The following TEC variants were observed in gnomAD, a reference collection of about 807,000 sequenced individuals.
TEC encodes tyrosine-protein kinase Tec.
Under a neutral mutation model 93.0 loss-of-function variants are expected in TEC, and 72 were observed. The observed-to-expected ratio is 0.77, with a 90% CI of 0.64 to 0.94. TEC has a LOEUF of 0.94. Among genes scored for constraint, TEC ranks in the 40% least tolerant of loss-of-function variants. The pLI is 0.00. For synonymous variants in TEC, 249 were observed against 247.7 expected, an observed-to-expected ratio of 1.01 and a Z score of -0.05; for missense variants, 630 against 757.9, an observed-to-expected ratio of 0.83 and a Z score of 1.98.
At chr4:48,171,670 T>C in intron 3 of TEC, among the ~76,000 whole-genome samples, 1 of 152,206 alleles carries the variant, frequency 6.6e-6, no homozygotes, top group East Asian at 1.9e-4. Flanking sequence ...GACCATGTTT[T>C]ATAGAAAAAA....
chr4:48,202,295 G>A (rs895859506), intron 2 of TEC, among the ~76,000 whole-genome samples: 2 of 152,240 alleles, frequency 1.3e-5, no homozygotes, highest in African/African-American at 4.8e-5. Context: ...GCCCAGTGCA[G>A]TGGCCCATGC....
At chr4:48,246,443 A>G (rs1303006499) in intron 1 of TEC, among the ~76,000 whole-genome samples, 2 of 151,810 alleles carry the variant, frequency 1.3e-5, no homozygotes, top group African/African-American at 4.8e-5. Context: ...CCCATATAGT[A>G]AAATTAATAG....
At chr4:48,213,874 GA>G (rs564383696) in intron 2 of TEC, among the ~76,000 whole-genome samples, 2 of 151,886 alleles carry the variant, frequency 1.3e-5, no homozygotes, top group African/African-American at 4.8e-5. Context: ...CTCTGTCCCT[GA>G]AAAAAAATTT....
chr4:48,197,564 G>A (rs1417831449), intron 2 of TEC, among the ~76,000 whole-genome samples: 2 of 152,138 alleles, frequency 1.3e-5, no homozygotes, highest in Non-Finnish European at 2.9e-5. Context: ...CATGAAAAAG[G>A]TGCCCTCCTT....
At chr4:48,212,474 C>G (rs1448561783) in intron 2 of TEC, among the ~76,000 whole-genome samples, 1 of 152,190 alleles carries the variant, frequency 6.6e-6, no homozygotes, top group Non-Finnish European at 1.5e-5. Flanking sequence ...GATGTCACTT[C>G]AGAGAACACT....
chr4:48,156,001 A>G (rs1331200784), intron 9 of TEC: 5 of 152,218 alleles, frequency 3.3e-5, no homozygotes, highest in Non-Finnish European at 7.3e-5. Flanking sequence ...AAAATTTAGA[A>G]GCTATTTGTG....
chr4:48,160,729 GA>G (rs758518336), intron 8 of TEC, among the ~76,000 whole-genome samples: 16 of 49,424 alleles, frequency 3.2e-4, no homozygotes, highest in East Asian at 8.3e-4. Context: ...TCTGTCTCCA[GA>G]AAAAAAAAAA....
chr4:48,148,274 A>G (rs544338136), intron 11 of TEC, among the ~76,000 whole-genome samples: 2 of 152,282 alleles, frequency 1.3e-5, no homozygotes, highest in African/African-American at 4.8e-5. Context: ...AACCATTATT[A>G]TTATCTGAAA....
intron 2 of TEC, among the ~76,000 whole-genome samples, chr4:48,212,110 A>AAAAAAAAAAAAAAAATATATATAT: frequency 8.2e-6 from 1 of 122,266 alleles, no homozygotes; most frequent in African/African-American, 3.0e-5. Context: ...AAAAAAAAAA[A>AAAAAAAAAAAAAAAATATATATAT]ATATATATAT....
intron 8 of TEC, among the ~76,000 whole-genome samples, chr4:48,161,677 T>C (rs1159430997): frequency 1.3e-5 from 2 of 151,468 alleles, no homozygotes; most frequent in African/African-American, 2.4e-5. Flanking sequence ...CTTGATTGGA[T>C]TGAAAGATGC....
chr4:48,245,554 G>C, intron 1 of TEC, among the ~76,000 whole-genome samples: 1 of 152,248 alleles, frequency 6.6e-6, no homozygotes, highest in East Asian at 1.9e-4. Flanking sequence ...TGCCATTTAA[G>C]TGCTTGCTAT....
chr4:48,168,678 A>G, intron 5 of TEC, 52 bp from the exon 6 acceptor site: 1 of 1,579,512 alleles, frequency 6.3e-7, no homozygotes, highest in Non-Finnish European at 8.6e-7. Flanking sequence ...CCAATAATTG[A>G]TAAAAATAAG....
At chr4:48,243,225 A>C (rs1723967913) in intron 1 of TEC, among the ~76,000 whole-genome samples, 1 of 152,228 alleles carries the variant, frequency 6.6e-6, no homozygotes, top group South Asian at 2.1e-4. Context: ...TATTTCACTC[A>C]TTATTTTTAC....
chr4:48,247,602 C>G, intron 1 of TEC, among the ~76,000 whole-genome samples: 1 of 152,096 alleles, frequency 6.6e-6, no homozygotes. Flanking sequence ...CTTGAATGAA[C>G]CTTGAAAACA....
intron 1 of TEC, among the ~76,000 whole-genome samples, chr4:48,267,048 G>T (rs1724657082): frequency 1.3e-5 from 2 of 152,280 alleles, no homozygotes; most frequent in Non-Finnish European, 2.9e-5. Context: ...AAATCAAGAA[G>T]TATCAACTAT....
chr4:48,186,639 T>A (rs1403959696), intron 2 of TEC, among the ~76,000 whole-genome samples: 2 of 150,106 alleles, frequency 1.3e-5, no homozygotes, highest in African/African-American at 2.5e-5. Flanking sequence ...GTCTGGGAAG[T>A]GAGGAGCCCC....
chr4:48,214,204 G>A (rs543009357), intron 2 of TEC, among the ~76,000 whole-genome samples: 66 of 152,070 alleles, frequency 4.3e-4, no homozygotes, highest in African/African-American at 1.4e-3. Context: ...TTATGTAGCC[G>A]GTGAGAAAAA....
At chr4:48,265,271 A>T (rs1724602769) in intron 1 of TEC, among the ~76,000 whole-genome samples, 1 of 151,660 alleles carries the variant, frequency 6.6e-6, no homozygotes, top group South Asian at 2.1e-4. Context: ...GATTACAGTC[A>T]TGAAAAACTT....
chr4:48,187,840 T>TA (rs1247106100), intron 2 of TEC, among the ~76,000 whole-genome samples: 1 of 152,256 alleles, frequency 6.6e-6, no homozygotes. Flanking sequence ...TTTCATGTAA[T>TA]AGACTTCTGA....
Sources: allele counts gnomAD v4.1 joint callset (sites outside exome capture counted in the v4.1 genomes callset), GRCh38; gene constraint gnomAD v4.1.1; transcripts MANE v1.5; gene names NCBI Gene and HGNC (gene_info 2026-07-23, HGNC 2026-07-21).